LARGE1: variants seen among roughly 807,000 people sequenced by gnomAD.
LARGE1 encodes LARGE xylosyl- and glucuronyltransferase 1, also known as xylosyl- and glucuronyltransferase LARGE1.
LARGE1 carries 43 observed loss-of-function variants against 87.6 expected under a neutral mutation model. The observed-to-expected ratio is 0.49, with a 90% CI of 0.38 to 0.63. The LOEUF (loss-of-function observed/expected upper bound fraction) is 0.63, where lower values mean the gene tolerates loss of function less well. LARGE1 is among the 30% of genes least tolerant of loss of function. The pLI, the probability that LARGE1 is intolerant of heterozygous loss-of-function variation, is 0.00. For missense variants in LARGE1, 802 were observed against 1,000.2 expected, an observed-to-expected ratio of 0.80 and a Z score of 2.67; for synonymous variants, 434 against 394.6, an observed-to-expected ratio of 1.10 and a Z score of -1.18.
At chr22:33,459,441 C>CTT (rs3071562) in intron 6 of LARGE1, among the ~76,000 whole-genome samples, 1,602 of 128,270 alleles carry the variant, frequency 0.012, 25 homozygotes, top group African/African-American at 0.044. Context: ...CGCTCTCTCT[C>CTT]TTTTTTTTTT....
At chr22:33,436,013 T>C (rs2067256862) in intron 6 of LARGE1, among the ~76,000 whole-genome samples, 1 of 152,150 alleles carries the variant, frequency 6.6e-6, no homozygotes, top group African/African-American at 2.4e-5. Flanking sequence ...CTCTCAACGG[T>C]GTTGAGTTTT....
chr22:33,156,606 T>G, the LARGE1 span, among the ~76,000 whole-genome samples: 1 of 152,198 alleles, frequency 6.6e-6, no homozygotes, highest in African/African-American at 2.4e-5. Context: ...CTTTTGATTT[T>G]AAAGACTTTT....
chr22:33,212,573 A>T (rs1251440712), intron 11 of LARGE1, among the ~76,000 whole-genome samples: 2 of 152,232 alleles, frequency 1.3e-5, no homozygotes, highest in African/African-American at 4.8e-5. Context: ...GCAGCCCATG[A>T]ATCAAGAAGT....
At chr22:33,404,270 G>A (rs2066022672) in intron 7 of LARGE1, among the ~76,000 whole-genome samples, 2 of 152,190 alleles carry the variant, frequency 1.3e-5, no homozygotes, top group African/African-American at 4.8e-5. Flanking sequence ...AACTTAGGCA[G>A]AATTAGCCAC....
chr22:33,137,495 C>G, the LARGE1 span, among the ~76,000 whole-genome samples: 2 of 152,114 alleles, frequency 1.3e-5, no homozygotes, highest in South Asian at 4.1e-4. Context: ...AAAAGAAAAA[C>G]CCATTTTCTG....
chr22:33,385,743 T>C lies in LARGE1; in HGVS notation c.893-1439A>G, dbSNP rs112921967. Among the ~76,000 whole-genome samples the C allele has an allele frequency of 4.3e-4, 63 of 148,062 alleles. 6 individuals are homozygous for C. Among genetic ancestry groups the C allele is most frequent in the African/African-American group, 1.5e-3 (60 of 40,910 alleles). ...CCGAGAGAATTTCCCTGCAGGCCACTGCAGTCAATTTGGTGGGTGGAACTG... is the reference window on the plus strand; with the variant it reads ...CCGAGAGAATTTCCCTGCAGGCCACCGCAGTCAATTTGGTGGGTGGAACTG... On this transcript the variant is annotated intron_variant, in intron 7 of 14. Coordinates refer to ENST00000397394, the MANE Select transcript of LARGE1 (RefSeq NM_133642.5).
At chr22:33,468,668 T>A (rs1411721827) in intron 6 of LARGE1, among the ~76,000 whole-genome samples, 1 of 152,206 alleles carries the variant, frequency 6.6e-6, no homozygotes, top group Non-Finnish European at 1.5e-5. Context: ...GATACATATA[T>A]TAATCCCCGT....
intron 11 of LARGE1, among the ~76,000 whole-genome samples, chr22:33,193,268 A>C (rs1281851051): frequency 6.6e-6 from 1 of 152,224 alleles, no homozygotes; most frequent in East Asian, 1.9e-4. Flanking sequence ...CTTTTTAAAA[A>C]TATTATAATC....
intron 12 of LARGE1, among the ~76,000 whole-genome samples, chr22:33,292,731 C>T (rs59556540): frequency 0.038 from 5,768 of 152,136 alleles, 346 homozygotes; most frequent in African/African-American, 0.13. Flanking sequence ...GGGTACCTCT[C>T]GTGGCATGCC....
intron 7 of LARGE1, among the ~76,000 whole-genome samples, chr22:33,429,597 GA>G (rs568056300): frequency 4.7e-4 from 72 of 152,286 alleles, no homozygotes; most frequent in Non-Finnish European, 1.0e-3. Context: ...TTTTACGCAG[GA>G]AACCGTGATC....
chr22:33,622,784 A>C (rs186905739), intron 4 of LARGE1, among the ~76,000 whole-genome samples: 11 of 152,348 alleles, frequency 7.2e-5, no homozygotes, highest in Non-Finnish European at 1.5e-4. Context: ...GGGGCTCAGC[A>C]TAACAAATGG....
chr22:33,874,911 A>T (rs925814618), intron 1 of LARGE1, among the ~76,000 whole-genome samples: 2 of 152,214 alleles, frequency 1.3e-5, no homozygotes, highest in African/African-American at 4.8e-5. Context: ...CAGCTCTAAA[A>T]GGTAGGGACT....
intron 6 of LARGE1, among the ~76,000 whole-genome samples, chr22:33,531,419 A>T: frequency 6.6e-6 from 1 of 152,078 alleles, no homozygotes; most frequent in Non-Finnish European, 1.5e-5. Context: ...CGGCCTCCCA[A>T]AGTGCTGGGA....
intron 6 of LARGE1, among the ~76,000 whole-genome samples, chr22:33,551,942 C>T (rs999406130): frequency 1.5e-5 from 2 of 136,408 alleles, no homozygotes; most frequent in East Asian, 2.1e-4. Flanking sequence ...TGCAGTGAGC[C>T]GAGATCGCGC....
chr22:33,784,895 A>G (rs192830996), intron 1 of LARGE1, among the ~76,000 whole-genome samples: 37 of 144,028 alleles, frequency 2.6e-4, no homozygotes, highest in Non-Finnish European at 3.1e-5. Context: ...TACAGTATAT[A>G]TACTGTATAT....
intron 5 of LARGE1, among the ~76,000 whole-genome samples, chr22:33,598,977 A>C (rs2079047839): frequency 6.6e-6 from 1 of 152,172 alleles, no homozygotes; most frequent in East Asian, 1.9e-4. Context: ...TGAGTAAGTG[A>C]TTCTTAAACA....
intron 10 of LARGE1, among the ~76,000 whole-genome samples, chr22:33,332,666 G>A (rs1249243452): frequency 6.6e-6 from 1 of 152,180 alleles, no homozygotes; most frequent in African/African-American, 2.4e-5. Context: ...CTTTGGGCTG[G>A]ATCCAAGATC....
chr22:33,608,918 T>C (rs2079342261), intron 4 of LARGE1, among the ~76,000 whole-genome samples: 1 of 152,254 alleles, frequency 6.6e-6, no homozygotes, highest in Admixed American at 6.5e-5. Flanking sequence ...AATAACATAA[T>C]AAACATAAAG....
intron 1 of LARGE1, among the ~76,000 whole-genome samples, chr22:33,807,515 C>T (rs868743369): frequency 3.3e-5 from 5 of 152,268 alleles, no homozygotes; most frequent in Middle Eastern, 3.4e-3. Context: ...GGTGAGCCTA[C>T]ATTGATACAT....
Sources: gnomAD v4.1 joint callset for allele counts (sites outside exome capture counted in the v4.1 genomes callset) on GRCh38, gnomAD v4.1.1 for gene constraint, MANE v1.5 for transcripts, NCBI Gene and HGNC (gene_info 2026-07-23, HGNC 2026-07-21) for gene names.